Variants in ADGRL2 observed in about 807,000 individuals in gnomAD.
ADGRL2 encodes adhesion G protein-coupled receptor L2, also known as calcium-independent alpha-latrotoxin receptor 2.
Under a neutral mutation model 157.4 loss-of-function variants are expected in ADGRL2, and 44 were observed. That is an observed-to-expected ratio of 0.28 (90% CI 0.22 to 0.36). The LOEUF is 0.36. ADGRL2 is among the 10% of genes least tolerant of loss of function. ADGRL2 has a pLI of 1.00. For missense variants in ADGRL2, 1,510 were observed against 1,768.9 expected, an observed-to-expected ratio of 0.85 and a Z score of 2.63; for synonymous variants, 585 against 624.7, an observed-to-expected ratio of 0.94 and a Z score of 0.95.
At chr1:81,318,257 A>G (rs1213325873) in intron 1 of ADGRL2, among the ~76,000 whole-genome samples, 1 of 152,200 alleles carries the variant, frequency 6.6e-6, no homozygotes, top group African/African-American at 2.4e-5. Flanking sequence ...ATTGATTGAT[A>G]TTAGTCAGTG....
At chr1:81,665,536 G>C (rs1377494825) in intron 3 of ADGRL2, among the ~76,000 whole-genome samples, 1 of 152,102 alleles carries the variant, frequency 6.6e-6, no homozygotes, top group Non-Finnish European at 1.5e-5. Flanking sequence ...TGAATAGTCA[G>C]AGTTGACATT....
chr1:81,484,144 A>T (rs1187084045), intron 2 of ADGRL2, among the ~76,000 whole-genome samples: 1 of 152,196 alleles, frequency 6.6e-6, no homozygotes, highest in Non-Finnish European at 1.5e-5. Context: ...TCTTGCTTTT[A>T]TAAATCAAAA....
intron 2 of ADGRL2, among the ~76,000 whole-genome samples, chr1:81,528,466 T>G (rs2079519327): frequency 6.6e-6 from 1 of 151,804 alleles, no homozygotes; most frequent in Non-Finnish European, 1.5e-5. Context: ...GCTAACACGG[T>G]GAAACCCCGT....
Position 81,966,689 on chromosome 1 carries a change from T to G in ADGRL2, c.2349+80T>G. The G allele has an allele frequency of 3.2e-6, 4 of 1,246,838 alleles. No individual in the cohort carries two copies. The South Asian group carries it at 4.9e-5, about 15-fold the overall frequency. 77.2% of individuals were successfully genotyped at this position (1,246,838 alleles called of 1,614,324 possible). A position where few individuals can be genotyped will look rare whatever the true frequency, so the allele number is the denominator to read the frequency against. ...GAAAGCAAAACTGAGGTGCTGGGGATGGGGAGAGAACTGGGGAGATGGGAG... is the reference window on the plus strand; with the variant it reads ...GAAAGCAAAACTGAGGTGCTGGGGAGGGGGAGAGAACTGGGGAGATGGGAG... On this transcript the variant is annotated intron_variant, in intron 13 of 23. Transcript: ENST00000686636.
At chr1:81,882,410 T>G (rs1302982368) in intron 2 of ADGRL2, among the ~76,000 whole-genome samples, 2 of 152,182 alleles carry the variant, frequency 1.3e-5, no homozygotes, top group African/African-American at 2.4e-5. Flanking sequence ...AAAACCTTTT[T>G]TTAAACAGTA....
chr1:81,754,129 A>T (rs1456147936), intron 1 of ADGRL2, among the ~76,000 whole-genome samples: 2 of 151,978 alleles, frequency 1.3e-5, no homozygotes, highest in African/African-American at 4.8e-5. Context: ...AATGCCAATA[A>T]GGCTTCTTGG....
intron 1 of ADGRL2, among the ~76,000 whole-genome samples, chr1:81,344,851 T>G (rs1198147869): frequency 1.3e-5 from 2 of 152,078 alleles, no homozygotes; most frequent in Non-Finnish European, 2.9e-5. Context: ...TATGTCTTTG[T>G]TTTTTCACTT....
intron 3 of ADGRL2, among the ~76,000 whole-genome samples, chr1:81,582,446 G>A (rs1265480747): frequency 2.0e-5 from 3 of 152,084 alleles, no homozygotes; most frequent in Non-Finnish European, 4.4e-5. Context: ...GTGCTCGTTA[G>A]TGATTGTAAT....
At chr1:81,551,623 A>G (rs572489655) in intron 2 of ADGRL2, among the ~76,000 whole-genome samples, 2 of 152,198 alleles carry the variant, frequency 1.3e-5, no homozygotes, top group Non-Finnish European at 2.9e-5. Flanking sequence ...GCACTTATGT[A>G]TACATCATAA....
chr1:81,700,658 A>G (rs2083547871), intron 1 of ADGRL2, among the ~76,000 whole-genome samples: 1 of 152,196 alleles, frequency 6.6e-6, no homozygotes, highest in Admixed American at 6.5e-5. Context: ...TTGCATTAGT[A>G]TTTGAGATAA....
intron 3 of ADGRL2, among the ~76,000 whole-genome samples, chr1:81,668,414 CAAA>C (rs67441939): frequency 3.2e-5 from 4 of 126,150 alleles, no homozygotes; most frequent in Non-Finnish European, 1.7e-5. Flanking sequence ...GTAACACTGT[CAAA>C]AAAAAAAAAA....
chr1:81,902,571 A>C (rs1420872007), intron 2 of ADGRL2, among the ~76,000 whole-genome samples: 2 of 151,994 alleles, frequency 1.3e-5, no homozygotes, highest in Non-Finnish European at 2.9e-5. Flanking sequence ...GCACTCCTGC[A>C]CTCCAGCCTG....
chr1:81,808,050 T>C (rs1224176064), intron 1 of ADGRL2, among the ~76,000 whole-genome samples: 1 of 151,926 alleles, frequency 6.6e-6, no homozygotes, highest in African/African-American at 2.4e-5. Flanking sequence ...ACCAAGCGCT[T>C]AACATCTGCA....
intron 2 of ADGRL2, among the ~76,000 whole-genome samples, chr1:81,541,883 G>A (rs553380581): frequency 3.7e-4 from 56 of 152,026 alleles, no homozygotes; most frequent in Non-Finnish European, 4.4e-4. Context: ...GCTTGAACCC[G>A]GGAGGTGGAG....
chr1:81,715,316 C>CAT (rs529344634), intron 1 of ADGRL2, among the ~76,000 whole-genome samples: 154 of 150,114 alleles, frequency 1.0e-3, no homozygotes, highest in Admixed American at 1.9e-3. Flanking sequence ...TCTAAAGAGA[C>CAT]ATATATATAT....
intron 2 of ADGRL2, among the ~76,000 whole-genome samples, chr1:81,459,572 G>A (rs1403461592): frequency 4.0e-5 from 6 of 151,824 alleles, no homozygotes; most frequent in Non-Finnish European, 8.8e-5. Context: ...CCATTCATCT[G>A]CCTATGGGCA....
At chr1:81,844,506 A>G (rs2092712735) in intron 2 of ADGRL2, among the ~76,000 whole-genome samples, 1 of 152,230 alleles carries the variant, frequency 6.6e-6, no homozygotes, top group East Asian at 1.9e-4. Flanking sequence ...CAAAAAACTG[A>G]TTTATCTGCC....
At chr1:81,334,364 A>G (rs1259893451) in intron 1 of ADGRL2, among the ~76,000 whole-genome samples, 1 of 152,232 alleles carries the variant, frequency 6.6e-6, no homozygotes, top group Non-Finnish European at 1.5e-5. Flanking sequence ...GATATTATTA[A>G]CTACCATTAT....
chr1:81,578,676 T>A (rs1261425935), intron 2 of ADGRL2, among the ~76,000 whole-genome samples: 1 of 152,102 alleles, frequency 6.6e-6, no homozygotes, highest in East Asian at 1.9e-4. Context: ...TTAAAAAAAT[T>A]TTTTTGAGCA....
Sources: gnomAD v4.1 joint callset for allele counts (sites outside exome capture counted in the v4.1 genomes callset) on GRCh38, gnomAD v4.1.1 for gene constraint, MANE v1.5 for transcripts, NCBI Gene and HGNC (gene_info 2026-07-23, HGNC 2026-07-21) for gene names.